Variants in PRRC2C observed in about 807,000 individuals in gnomAD.
PRRC2C encodes proline rich coiled-coil 2C.
In PRRC2C, 72 loss-of-function variants were observed where a neutral mutation model predicts 317.2. The ratio of observed to expected loss-of-function variants is 0.23; its 90% confidence interval spans 0.19 to 0.28. The LOEUF (loss-of-function observed/expected upper bound fraction) is 0.28. Among genes scored for constraint, PRRC2C ranks in the 10% least tolerant of loss-of-function variants. The pLI is 1.00. For missense variants in PRRC2C, 3,074 were observed against 3,459.7 expected (o/e 0.89, Z 2.80); for synonymous variants, 1,296 against 1,205.9 (o/e 1.07, Z -1.55).
chr1:171,504,795 C>CT (rs1669864833), intron 1 of PRRC2C, among the ~76,000 whole-genome samples: 1 of 152,066 alleles, frequency 6.6e-6, no homozygotes, highest in South Asian at 2.1e-4. Context: ...ATTTTAGAAT[C>CT]AGCTTGACAA....
At chr1:171,546,154 A>G (rs1340766014) in intron 17 of PRRC2C, among the ~76,000 whole-genome samples, 1 of 152,240 alleles carries the variant, frequency 6.6e-6, no homozygotes, top group Non-Finnish European at 1.5e-5. Context: ...AGGCAGTGTC[A>G]CTGTGGATAA....
chr1:171,527,641 A>T, intron 10 of PRRC2C, 150 bp from the exon 11 acceptor site: 1 of 584,050 alleles, frequency 1.7e-6, no homozygotes, highest in Non-Finnish European at 3.0e-6. Context: ...CTGTAATCCC[A>T]GGTATTTAGC....
chr1:171,533,835 C>G (rs1676312292), intron 12 of PRRC2C, among the ~76,000 whole-genome samples: 1 of 152,114 alleles, frequency 6.6e-6, no homozygotes, highest in Non-Finnish European at 1.5e-5. Context: ...TGTTGGCTAG[C>G]ATAGCCTCAA....
At chr1:171,567,981 G>A (rs1054215749) in intron 22 of PRRC2C, among the ~76,000 whole-genome samples, 5 of 152,210 alleles carry the variant, frequency 3.3e-5, no homozygotes, top group African/African-American at 1.2e-4. Context: ...AAGGCCAGGA[G>A]TTCGAGACCA....
rs1179243547 is a variant in PRRC2C at position 171,557,576 on chromosome 1, C to G, written c.5464C>G (p.Pro1822Ala). The change falls in exon 19 of 35, where the codon CCA (proline) becomes GCA (alanine). Residue 1822 changes from proline to alanine, a missense_variant. Pro to Ala is a conservative substitution (Grantham distance 27, BLOSUM62 -1). Transcript: ENST00000647382. ...SASASVSASV[P>A]ASTSAAAITS... Reference sequence around the variant, plus strand: ...CTCAGCCTCAGTCTCAGCTTCAGTTCCAGCCTCTACTTCAGCTGCAGCTAT... The same window carrying G: ...CTCAGCCTCAGTCTCAGCTTCAGTTGCAGCCTCTACTTCAGCTGCAGCTAT... 5 of 1,551,334 alleles carry G rather than the reference C, an allele frequency of 3.2e-6. No individual in the cohort carries two copies. The Admixed American group carries it at 5.9e-5, about 18-fold the overall frequency.
At chr1:171,512,839 A>C (rs1045240163) in intron 2 of PRRC2C, 156 bp from the exon 3 acceptor site, 2 of 627,972 alleles carry the variant, frequency 3.2e-6, no homozygotes, top group Non-Finnish European at 5.0e-6. Flanking sequence ...AATGTGTTGC[A>C]GGTGTGTAGC....
chr1:171,568,057 C>T (rs1360029052), intron 22 of PRRC2C, among the ~76,000 whole-genome samples, 190 bp from the exon 23 acceptor site: 2 of 152,088 alleles, frequency 1.3e-5, no homozygotes, highest in East Asian at 1.9e-4. Context: ...TGGTGGCGCA[C>T]GCCTGTAATC....
At chr1:171,512,830 A>G in intron 2 of PRRC2C, 165 bp from the exon 3 acceptor site, 1 of 585,918 alleles carries the variant, frequency 1.7e-6, no homozygotes, top group Non-Finnish European at 2.7e-6. Context: ...CTACACTGAA[A>G]TGTGTTGCAG....
chr1:171,522,187 A>G lies in PRRC2C; in HGVS notation c.761A>G (p.Gln254Arg). ...GTTTCCTTCATTCAGATGTTCCAAC[A>G]GTATCCGAGGATGACATATCCTCCT... ...RAMMPPYMFQ[Q>R]YPRMTYPPLH... Residue 254 changes from glutamine (Q) to arginine (R), a missense_variant, in exon 7 of 35, where the codon CAG (glutamine) becomes CGG (arginine). By Grantham distance (43) the Gln-to-Arg change is conservative. This residue lies in a region of PRRC2C where 237 missense variants were observed against 199.5 expected (regional missense o/e 1.19). Transcript: ENST00000647382. 6.4e-7 allele frequency: 1 copy of G among 1,573,412 alleles called. No individual in the cohort carries two copies. The highest frequency in any genetic ancestry group is 8.7e-7 in the Non-Finnish European group (1 of 1,152,032).
rs1042601950 is a variant in PRRC2C at position 171,518,941 on chromosome 1, G to A, written c.750+1127G>A. Among the ~76,000 whole-genome samples, 9 of 149,832 alleles carry A rather than the reference G, an allele frequency of 6.0e-5. No homozygotes were observed. In the East Asian group the frequency reaches 1.6e-3, roughly 26 times the overall value. On this transcript the variant is annotated intron_variant, in intron 6 of 34. Coordinates refer to ENST00000647382, the MANE Select transcript of PRRC2C (RefSeq NM_001387844.1). Reference sequence around the variant, plus strand: ...TCTGTCACCCAGGCTGGAGTGCAGTGGCATGATGTCGGCTCACTGCAACCT... The same window carrying A: ...TCTGTCACCCAGGCTGGAGTGCAGTAGCATGATGTCGGCTCACTGCAACCT...
chr1:171,524,565 T>C (rs776537550), intron 9 of PRRC2C, among the ~76,000 whole-genome samples: 3 of 152,186 alleles, frequency 2.0e-5, no homozygotes, highest in Non-Finnish European at 4.4e-5. Flanking sequence ...AGATAGGAAA[T>C]GATGTGATTA....
At chr1:171,560,940 T>C in intron 19 of PRRC2C, 78 bp from the exon 20 acceptor site, 1 of 1,152,998 alleles carries the variant, frequency 8.7e-7, no homozygotes. Flanking sequence ...CAGTAGGAGA[T>C]TAAGGAAAGG....
At position 171,592,252 on chromosome 1, in the gene PRRC2C, G is replaced by C; in HGVS notation, c.*405G>C. On this transcript the variant is annotated 3_prime_UTR_variant, in exon 35 of 35. Transcript: ENST00000647382. ...TGTGATGGTCCCAGCTACTACATCAGATGCGGTTTTTTTGCTCCCTTATGT... is the reference window on the plus strand; with the variant it reads ...TGTGATGGTCCCAGCTACTACATCACATGCGGTTTTTTTGCTCCCTTATGT... The C allele has an allele frequency of 6.2e-6, 1 of 160,238 alleles. No individual in the cohort carries two copies. Among genetic ancestry groups the C allele is most frequent in the Non-Finnish European group, 1.4e-5 (1 of 73,570 alleles). The allele number at this position is 160,238 out of a possible 1,614,324, so 9.9% of individuals were successfully genotyped here.
intron 2 of PRRC2C, chr1:171,512,722 G>GA (rs34887457): frequency 6.6e-6 from 2 of 304,446 alleles, no homozygotes; most frequent in South Asian, 7.2e-5. Flanking sequence ...TAGATTCTCT[G>GA]AAAAAATATC....
chr1:171,534,003 G>T (rs1676350730), intron 12 of PRRC2C, among the ~76,000 whole-genome samples: 1 of 152,164 alleles, frequency 6.6e-6, no homozygotes. Context: ...TGGAAATATT[G>T]TAAGTTTTCT....
rs1462467353 is a variant in PRRC2C, at chr1:171,540,874, A to G, written c.3408A>G (p.Glu1136=). ...QQTMAAPVVK[E]EKQPEKVISK... ...CTATGGCAGCACCAGTAGTCAAAGA[A>G]GAAAAACAACCTGAGAAAGTCATCA... is the stretch of plus-strand genomic sequence containing the variant. The change falls in exon 16 of 35, where the codon GAA becomes GAG. Residue 1136 remains glutamate, a synonymous_variant. Coordinates refer to ENST00000647382, the MANE Select transcript of PRRC2C (RefSeq NM_001387844.1). 2 of 1,613,726 alleles carry G rather than the reference A, an allele frequency of 1.2e-6. No individual in the cohort carries two copies. Among genetic ancestry groups the G allele is most frequent in the East Asian group, 2.2e-5 (1 of 44,870 alleles).
rs1396941897 is a variant in PRRC2C, at chr1:171,575,033, C to G, written c.6860C>G (p.Ala2287Gly). The G allele has an allele frequency of 6.2e-7, 1 of 1,613,844 alleles. No homozygotes were observed. Among genetic ancestry groups the G allele is most frequent in the African/African-American group, 1.3e-5 (1 of 75,034 alleles). ...PPIATGVSSS[A>G]SGPSTANYNS... Reference sequence around the variant, plus strand: ...ATTGCAACTGGAGTCAGCAGTAGTGCCAGTGGACCAAGCACTGCTAATTAC... The same window carrying G: ...ATTGCAACTGGAGTCAGCAGTAGTGGCAGTGGACCAAGCACTGCTAATTAC... The change falls in exon 25 of 35, where the codon GCC (alanine) becomes GGC (glycine). Residue 2287 changes from alanine (A) to glycine (G), a missense_variant. By Grantham distance (60) the Ala-to-Gly change is moderately conservative. Coordinates refer to ENST00000647382, the MANE Select transcript of PRRC2C (RefSeq NM_001387844.1).
chr1:171,511,999 A>G (rs1671475646), intron 1 of PRRC2C, 33 bp from the exon 2 acceptor site: 2 of 614,606 alleles, frequency 3.3e-6, no homozygotes, highest in Non-Finnish European at 5.4e-6. Flanking sequence ...TGAGTTTTTC[A>G]TCCTTATTTT....
chr1:171,507,484 G>T lies in PRRC2C; in HGVS notation c.-57-4548G>T, dbSNP rs541404589. 8.5e-5 allele frequency among the ~76,000 whole-genome samples: 13 copies of T among 152,136 alleles called. No individual in the cohort carries two copies. In the South Asian group the frequency reaches 1.0e-3, roughly 12 times the overall value. ...AAATTAGCCGGGCATGGTGGCAGAC[G>T]CCCGTAGTCCCAACTACTTGGGAGG... On this transcript the variant is annotated intron_variant, in intron 1 of 34. Coordinates refer to ENST00000647382, the MANE Select transcript of PRRC2C (RefSeq NM_001387844.1).
Sources: gnomAD v4.1 joint callset for allele counts (sites outside exome capture counted in the v4.1 genomes callset) on GRCh38, gnomAD v4.1.1 for gene constraint, gnomAD v4.1.1 regional missense constraint, MANE v1.5 for transcripts, NCBI Gene and HGNC (gene_info 2026-07-23, HGNC 2026-07-21) for gene names.